Variants in PHTF1 observed in about 807,000 individuals in gnomAD.
PHTF1 encodes protein PHTF1.
A neutral mutation model predicts 102.4 loss-of-function variants in PHTF1; 88 were observed. The observed-to-expected ratio is 0.86, with a 90% CI of 0.72 to 1.03. The LOEUF (loss-of-function observed/expected upper bound fraction) is 1.03, where lower values mean the gene tolerates loss of function less well. Ranked by LOEUF, PHTF1 falls within the 50% of genes least tolerant of loss-of-function variation. The pLI is 0.00. For synonymous variants in PHTF1, 289 were observed against 305.2 expected, an observed-to-expected ratio of 0.95 and a Z score of 0.55; for missense variants, 814 against 909.5, an observed-to-expected ratio of 0.89 and a Z score of 1.35.
chr1:113,707,455 A>G (rs1293434715), intron 11 of PHTF1, among the ~76,000 whole-genome samples: 1 of 152,208 alleles, frequency 6.6e-6, no homozygotes, highest in Non-Finnish European at 1.5e-5. Context: ...CCTTCTCTGA[A>G]ATGAAAAACT....
intron 11 of PHTF1, among the ~76,000 whole-genome samples, chr1:113,709,972 T>C (rs1349364333): frequency 1.3e-5 from 2 of 152,134 alleles, no homozygotes; most frequent in Non-Finnish European, 2.9e-5. Context: ...ACTCTACTCA[T>C]ATAAAATATA....
intron 11 of PHTF1, 124 bp downstream of exon 11, chr1:113,710,130 A>G: frequency 1.4e-6 from 1 of 719,356 alleles, no homozygotes; most frequent in Non-Finnish European, 2.4e-6. Context: ...CCTCACCTCT[A>G]AACTGGGGAT....
Position 113,738,129 on chromosome 1 carries a change from T to A in PHTF1, c.312A>T (p.Leu104Phe). Residue 104 changes from leucine to phenylalanine, a missense_variant, in exon 5 of 19, where the codon TTA becomes TTT. Transcript: ENST00000369604. ...VTSLRIFVWL[L>F]LLYFMQVIAI... ...AATTACCTTGCATGAAATAAAGTAG[T>A]AACAGCCAAACAAAGATTCTTAAAG... 6.2e-7 allele frequency: 1 copy of A among 1,610,882 alleles called. No homozygotes were observed. Among genetic ancestry groups the A allele is most frequent in the Admixed American group, 1.7e-5 (1 of 59,856 alleles).
rs746684795 is a variant in PHTF1 at position 113,726,566 on chromosome 1, T to C, written c.340A>G (p.Ile114Val). The C allele has an allele frequency of 6.4e-7, 1 of 1,569,438 alleles. No homozygotes were observed. Among genetic ancestry groups the C allele is most frequent in the Non-Finnish European group, 8.6e-7 (1 of 1,160,248 alleles). Residue 114 changes from isoleucine to valine, a missense_variant, in exon 6 of 19, where the codon ATT (isoleucine) becomes GTT (valine). Transcript: ENST00000369604. ...ATAGGCATCATCAAATATAAGACAA[T>C]TGCTATAACTGAAAAGAAGAGGTTT... The part of the protein sequence containing the change: ...LLLYFMQVIA[I>V]VLYLMMPIVN...
chr1:113,705,632 C>CT, intron 13 of PHTF1: 2 of 348,454 alleles, frequency 5.7e-6, no homozygotes, highest in East Asian at 9.6e-5. Flanking sequence ...GGTGCAGATG[C>CT]TAAGCAGTCG....
intron 15 of PHTF1, 77 bp from the exon 16 acceptor site, chr1:113,701,026 T>C (rs1649383729): frequency 9.1e-7 from 1 of 1,097,680 alleles, no homozygotes; most frequent in Non-Finnish European, 1.3e-6. Context: ...CTCTGTCAAT[T>C]TAAGAACATT....
In PHTF1 at chr1:113,726,458, T is replaced by C; in HGVS notation, c.448A>G (p.Ile150Val). 1 of 1,611,054 alleles carries C rather than the reference T, an allele frequency of 6.2e-7. No individual in the cohort carries two copies. The highest frequency in any genetic ancestry group is 8.5e-7 in the Non-Finnish European group (1 of 1,178,674). The change falls in exon 6 of 19, where the codon ATA (isoleucine) becomes GTA (valine). Residue 150 changes from isoleucine (I) to valine (V), a missense_variant. Transcript: ENST00000369604. ...CCATTGTTTCCTGATGGTCTTGTTA[T>C]CTGAGTAGACACAATTTGACAGTGG... ...TVHCQIVSTQ[I>V]TRPSGNNGNR...
chr1:113,738,385 T>TA (rs545525705), intron 4 of PHTF1, 117 bp from the exon 5 acceptor site: 10,741 of 523,648 alleles, frequency 0.021, no homozygotes, highest in South Asian at 0.034. Flanking sequence ...CCTGTTCAGT[T>TA]AAAAAAAAAA....
intron 5 of PHTF1, among the ~76,000 whole-genome samples, chr1:113,730,407 T>C (rs1247006479): frequency 6.6e-6 from 1 of 152,166 alleles, no homozygotes; most frequent in Non-Finnish European, 1.5e-5. Flanking sequence ...AGTGAAGATA[T>C]TCTGAATCAG....
rs776910714 is a variant in PHTF1, at chr1:113,712,091, T to A, written c.806A>T (p.Asn269Ile). ...CRREAFRRLG[N>I]GVSDDLSSEE... The stretch of plus-strand genomic sequence containing the variant: ...ACTTGACAGGTCATCAGACACCCCA[T>A]TACCCAAACGCCTAAAAGCCTCCTA... Residue 269 changes from asparagine to isoleucine, a missense_variant, in exon 9 of 19, where the codon AAT becomes ATT. Asn to Ile is a moderately radical substitution (Grantham distance 149, BLOSUM62 -3). Coordinates refer to ENST00000369604, the MANE Select transcript of PHTF1 (RefSeq NM_001323043.2). 6.2e-7 allele frequency: 1 copy of A among 1,613,948 alleles called. No homozygotes were observed. The highest frequency in any genetic ancestry group is 1.1e-5 in the South Asian group (1 of 91,062).
Position 113,697,391 on chromosome 1 carries a change from C to A in PHTF1, c.*314G>T. ...TCATAGTTGCCCAAAAGACTATGTC[C>A]AGTAAACATAACTGTCACAGTACTG... On this transcript the variant is annotated 3_prime_UTR_variant, in exon 19 of 19. Transcript: ENST00000369604. 4.0e-6 allele frequency: 1 copy of A among 250,894 alleles called. No individual in the cohort carries two copies. The highest frequency in any genetic ancestry group is 7.9e-5 in the South Asian group (1 of 12,626). The allele number at this position is 250,894 out of a possible 1,614,324, so 15.5% of individuals were successfully genotyped here.
intron 5 of PHTF1, among the ~76,000 whole-genome samples, chr1:113,729,770 T>C (rs1180401845): frequency 6.6e-6 from 1 of 152,194 alleles, no homozygotes; most frequent in Non-Finnish European, 1.5e-5. Context: ...CTTTGAGCCA[T>C]ATTAGGAGAC....
At chr1:113,720,035 G>T (rs530593386) in intron 7 of PHTF1, among the ~76,000 whole-genome samples, 16 of 152,234 alleles carry the variant, frequency 1.1e-4, no homozygotes, top group African/African-American at 3.9e-4. Flanking sequence ...GCACAGGAAA[G>T]ACCAGCCCCA....
At position 113,698,325 on chromosome 1, in the gene PHTF1, T is replaced by C. The variant is rs760841130; in HGVS notation, c.2205A>G (p.Thr735=). The C allele has an allele frequency of 1.2e-6, 2 of 1,607,308 alleles. No individual in the cohort carries two copies. Among genetic ancestry groups the C allele is most frequent in the East Asian group, 2.2e-5 (1 of 44,796 alleles). Residue 735 remains threonine (T), a synonymous_variant, in exon 18 of 19, where the codon ACA becomes ACG. Transcript: ENST00000369604. ...LTMNPLIYNI[T]RVVILSAVSG... is the part of the protein sequence containing the mutation. ...AGACAGCAGAAAGGATAACTACTCTTGTGATATTGTAGATTAAGGGATTCA... is the reference window on the plus strand; with the variant it reads ...AGACAGCAGAAAGGATAACTACTCTCGTGATATTGTAGATTAAGGGATTCA...
Position 113,706,454 on chromosome 1 carries a change from T to A in PHTF1, c.1398+140A>T, listed in dbSNP as rs911724630. 9.5e-6 allele frequency: 5 copies of A among 524,058 alleles called. No homozygotes were observed. The African/African-American group carries it at 1.0e-4, about 10-fold the overall frequency. The allele number at this position is 524,058 out of a possible 1,614,324, so 32.5% of individuals were successfully genotyped here. ...CTACAAAATTACATATATATGTTAA[T>A]AATGTTATTATATATAATATGATAT... On this transcript the variant is annotated intron_variant, in intron 12 of 18. Transcript: ENST00000369604.
In PHTF1 at chr1:113,749,210, C is replaced by T. The variant is rs753848473; in HGVS notation, c.102+8489G>A. 9.4e-4 allele frequency among the ~76,000 whole-genome samples: 143 copies of T among 152,200 alleles called. 1 individual carries two copies. Among genetic ancestry groups the T allele is most frequent in the Non-Finnish European group, 1.8e-3 (119 of 67,996 alleles). On this transcript the variant is annotated intron_variant, in intron 3 of 18. Transcript: ENST00000369604. ...CACTGTTTTTATGATTCCTGCATTG[C>T]TTCTTTTCTCTTTTCTTCTTTTTCT...
chr1:113,748,719 A>T (rs1657577640), intron 3 of PHTF1, among the ~76,000 whole-genome samples: 1 of 151,958 alleles, frequency 6.6e-6, no homozygotes, highest in Admixed American at 6.6e-5. Context: ...TATTTTTTGT[A>T]AAGACAGGGT....
rs4838998 is a variant in PHTF1 at position 113,727,704 on chromosome 1, C to T, written c.332-1130G>A. Among the ~76,000 whole-genome samples the T allele has an allele frequency of 3.3e-5, 5 of 152,096 alleles. No individual in the cohort carries two copies. In the East Asian group the frequency reaches 7.8e-4, roughly 24 times the overall value. On this transcript the variant is annotated intron_variant, in intron 5 of 18. Coordinates refer to ENST00000369604, the MANE Select transcript of PHTF1 (RefSeq NM_001323043.2). ...GTTGGCGGCTGGGCATGGTGGCTCA[C>T]ACCTGTAATCCCAGCACTTTTTGAG...
chr1:113,698,859 T>C (rs1649130012), intron 17 of PHTF1: 1 of 161,952 alleles, frequency 6.2e-6, no homozygotes, highest in Non-Finnish European at 1.3e-5. Flanking sequence ...ACTCACTTTA[T>C]TTTTCTGGTA....
Sources: allele counts gnomAD v4.1 joint callset (sites outside exome capture counted in the v4.1 genomes callset), GRCh38; gene constraint gnomAD v4.1.1; transcripts MANE v1.5; gene names NCBI Gene and HGNC (gene_info 2026-07-23, HGNC 2026-07-21).